FSD1L: variants seen among roughly 807,000 people sequenced by gnomAD.
The protein encoded by FSD1L is fibronectin type III and SPRY domain containing 1 like.
FSD1L carries 45 observed loss-of-function variants against 71.6 expected under a neutral mutation model. The ratio of observed to expected loss-of-function variants is 0.63; its 90% confidence interval spans 0.49 to 0.81. FSD1L has a LOEUF of 0.81. FSD1L is among the 30% of genes least tolerant of loss of function. The pLI is 0.00. For missense variants in FSD1L, 561 were observed against 618.1 expected (o/e 0.91, Z 0.98); for synonymous variants, 197 against 207.2 (o/e 0.95, Z 0.42).
At chr9:105,474,189 T>C (rs1831650428) in intron 5 of FSD1L, among the ~76,000 whole-genome samples, 3 of 152,222 alleles carry the variant, frequency 2.0e-5, no homozygotes, top group African/African-American at 7.2e-5. Context: ...GCTTCTATGC[T>C]GCAAACCTGT....
At chr9:105,459,110 A>AT (rs1207792789) in intron 1 of FSD1L, among the ~76,000 whole-genome samples, 12 of 152,286 alleles carry the variant, frequency 7.9e-5, no homozygotes, top group African/African-American at 2.9e-4. Context: ...TACCTCCTAG[A>AT]TTAGGCACAT....
At chr9:105,532,884 C>G (rs183656230) in intron 10 of FSD1L, among the ~76,000 whole-genome samples, 44 of 152,212 alleles carry the variant, frequency 2.9e-4, no homozygotes, top group Admixed American at 1.4e-3. Context: ...TTGAAATTGT[C>G]TAATAAGTCT....
rs572338597 is a variant in FSD1L, at chr9:105,526,215, G to A, written c.1026-8278G>A. On this transcript the variant is annotated intron_variant, in intron 10 of 13. Coordinates refer to ENST00000481272, the MANE Select transcript of FSD1L (RefSeq NM_001145313.3). ...GTGCTCTGAAATCTCTGATTCCATT[G>A]TATCAAAACTTCTATGAGGAGAGAG... 2.3e-4 allele frequency: 375 copies of A among 1,597,690 alleles called. 2 individuals are homozygous for A. The South Asian group carries it at 4.0e-3, about 17-fold the overall frequency.
chr9:105,448,918 A>G (rs116976606), intron 1 of FSD1L, among the ~76,000 whole-genome samples: 19 of 152,348 alleles, frequency 1.2e-4, no homozygotes, highest in South Asian at 4.1e-4. Context: ...GAAAGGTTAT[A>G]TAATCGTAAA....
In FSD1L at chr9:105,462,109, G is replaced by A. The variant is rs527838926; in HGVS notation, c.111+494G>A. On this transcript the variant is annotated intron_variant, in intron 2 of 13. Coordinates refer to ENST00000481272, the MANE Select transcript of FSD1L (RefSeq NM_001145313.3). The stretch of plus-strand genomic sequence containing the variant: ...TTAGACCAAAAAAATATGTAAATGG[G>A]AAGCTATTTTATGCTAAGGAGATTT... Among the ~76,000 whole-genome samples, 17 of 152,160 alleles carry A rather than the reference G, an allele frequency of 1.1e-4. No homozygotes were observed. In the East Asian group the frequency reaches 3.1e-3, roughly 28 times the overall value.
intron 7 of FSD1L, among the ~76,000 whole-genome samples, chr9:105,488,155 G>A (rs920534038): frequency 5.3e-5 from 8 of 152,068 alleles, no homozygotes; most frequent in South Asian, 2.1e-4. Context: ...TTCACTGCCC[G>A]AAAAATCCGC....
At chr9:105,450,534 C>CTTTTTTTTTTTTTTTTTTTTTTT (rs35115121) in intron 1 of FSD1L, among the ~76,000 whole-genome samples, 10 of 137,946 alleles carry the variant, frequency 7.2e-5, no homozygotes, top group African/African-American at 2.4e-4. Flanking sequence ...GGATTGTGTT[C>CTTTTTTTTTTTTTTTTTTTTTTT]TTTTTTTTTT....
chr9:105,461,633 G>A lies in FSD1L; in HGVS notation c.111+18G>A, dbSNP rs1253930144. 12 of 1,450,440 alleles carry A rather than the reference G, an allele frequency of 8.3e-6. No homozygotes were observed. The highest frequency in any genetic ancestry group is 1.0e-5 in the Non-Finnish European group (11 of 1,055,818). 89.8% of individuals were successfully genotyped at this position (1,450,440 alleles called of 1,614,324 possible). A position where few individuals can be genotyped will look rare whatever the true frequency, so the allele number is the denominator to read the frequency against. ...TGCAGCAGGTTGGTAGCTCTTAAAG[G>A]AGCAGAGGTTTTAACTTGAAGATCT... On this transcript the variant is annotated intron_variant, in intron 2 of 13. Transcript: ENST00000481272.
chr9:105,499,626 A>G (rs937400404), intron 7 of FSD1L, among the ~76,000 whole-genome samples: 5 of 151,262 alleles, frequency 3.3e-5, no homozygotes, highest in South Asian at 2.1e-4. Flanking sequence ...TGTGGTCTGA[A>G]TATATGCCTA....
intron 6 of FSD1L, among the ~76,000 whole-genome samples, chr9:105,481,724 C>T (rs920187381): frequency 5.3e-5 from 8 of 151,808 alleles, no homozygotes; most frequent in Admixed American, 1.3e-4. Context: ...ATAATTTAAA[C>T]GTAGTCATAA....
chr9:105,494,142 C>G (rs1353562478), intron 7 of FSD1L, among the ~76,000 whole-genome samples: 1 of 151,874 alleles, frequency 6.6e-6, no homozygotes, highest in Non-Finnish European at 1.5e-5. Context: ...GTACACCAAT[C>G]AGACATAGAT....
chr9:105,469,461 CAT>C (rs1380600419), intron 4 of FSD1L, among the ~76,000 whole-genome samples: 1 of 151,718 alleles, frequency 6.6e-6, no homozygotes, highest in African/African-American at 2.4e-5. Context: ...TAGTGGCCAT[CAT>C]AATGGGTATG....
At chr9:105,524,301 C>G in intron 10 of FSD1L, 1 of 1,613,188 alleles carries the variant, frequency 6.2e-7, no homozygotes, top group South Asian at 1.1e-5. Context: ...TGTACCTAGA[C>G]TTCAGATTTA....
intron 6 of FSD1L, among the ~76,000 whole-genome samples, chr9:105,480,922 T>C (rs532713421): frequency 2.4e-4 from 36 of 152,330 alleles, no homozygotes; most frequent in African/African-American, 8.4e-4. Flanking sequence ...TCTGTCCTTT[T>C]TTCAAGATTC....
intron 13 of FSD1L, among the ~76,000 whole-genome samples, chr9:105,542,197 T>C (rs899493661): frequency 6.6e-6 from 1 of 152,220 alleles, no homozygotes; most frequent in African/African-American, 2.4e-5. Context: ...TTTTCCAAAG[T>C]GGCTGTACCA....
chr9:105,487,846 C>T (rs80078821), intron 7 of FSD1L, among the ~76,000 whole-genome samples: 2,400 of 152,196 alleles, frequency 0.016, 88 homozygotes, highest in African/African-American at 0.055. Context: ...TATTTTCTTA[C>T]ATTTGTAGCT....
At chr9:105,475,468 GA>G (rs1831733422) in intron 5 of FSD1L, among the ~76,000 whole-genome samples, 1 of 152,198 alleles carries the variant, frequency 6.6e-6, no homozygotes, top group South Asian at 2.1e-4. Flanking sequence ...ATAAGAAGAG[GA>G]GTGGGTAGAA....
intron 10 of FSD1L, among the ~76,000 whole-genome samples, chr9:105,515,985 C>G (rs904522312): frequency 6.6e-6 from 1 of 152,112 alleles, no homozygotes; most frequent in African/African-American, 2.4e-5. Flanking sequence ...CTGAGACTGA[C>G]CTGGGACGCT....
intron 1 of FSD1L, among the ~76,000 whole-genome samples, chr9:105,451,636 T>C (rs1830011110): frequency 6.6e-6 from 1 of 152,222 alleles, no homozygotes; most frequent in South Asian, 2.1e-4. Context: ...TTTGTTTATA[T>C]CGAGTTTCTG....
Sources: gnomAD v4.1 joint callset for allele counts (sites outside exome capture counted in the v4.1 genomes callset) on GRCh38, gnomAD v4.1.1 for gene constraint, MANE v1.5 for transcripts, NCBI Gene and HGNC (gene_info 2026-07-23, HGNC 2026-07-21) for gene names.